Variants in LRP2 observed in about 807,000 individuals in gnomAD.
LRP2 encodes LDL receptor related protein 2.
LRP2 carries 172 observed loss-of-function variants against 531.0 expected under a neutral mutation model. The observed-to-expected ratio is 0.32, with a 90% confidence interval of 0.29 to 0.37. LRP2 has a LOEUF of 0.37. Among genes scored for constraint, LRP2 ranks in the 10% least tolerant of loss-of-function variants. LRP2 has a pLI of 1.00. For missense variants in LRP2, 5,167 were observed against 5,868.3 expected, an observed-to-expected ratio of 0.88 and a Z score of 3.90; for synonymous variants, 1,992 against 2,027.6, an observed-to-expected ratio of 0.98 and a Z score of 0.47.
At chr2:169,216,834 G>C (rs962739814) in intron 34 of LRP2, among the ~76,000 whole-genome samples, 8 of 152,056 alleles carry the variant, frequency 5.3e-5, no homozygotes, top group African/African-American at 1.4e-4. Flanking sequence ...CACTTACCAG[G>C]CCTCATTTAA....
intron 76 of LRP2, among the ~76,000 whole-genome samples, chr2:169,135,871 T>G (rs1007170626): frequency 6.6e-5 from 10 of 152,200 alleles, no homozygotes; most frequent in African/African-American, 2.4e-4. Context: ...TCTCAACTAC[T>G]CATAAATGCC....
chr2:169,207,032 A>C lies in LRP2; in HGVS notation c.6688T>G (p.Ser2230Ala). The C allele has an allele frequency of 6.2e-7, 1 of 1,614,218 alleles. No homozygotes were observed. Among genetic ancestry groups the C allele is most frequent in the Middle Eastern group, 1.7e-4 (1 of 6,060 alleles). The change falls in exon 39 of 79, where the codon TCA (serine) becomes GCA (alanine). Residue 2230 changes from serine (S) to alanine (A), a missense_variant. Coordinates refer to ENST00000649046, the MANE Select transcript of LRP2 (RefSeq NM_004525.3). Reference protein sequence around the residue: ...LDCTNRTVLVSEGIVTPRGLA... With the variant: ...LDCTNRTVLVAEGIVTPRGLA... Reference sequence around the variant, plus strand: ...CCCCGTGGTGTGACAATGCCCTCTGACACAAGCACTGTTCGATTGGTACAG... The same window carrying C: ...CCCCGTGGTGTGACAATGCCCTCTGCCACAAGCACTGTTCGATTGGTACAG...
chr2:169,240,632 G>C (rs1689769828), intron 25 of LRP2: 1 of 434,674 alleles, frequency 2.3e-6, no homozygotes, highest in Non-Finnish European at 4.1e-6. Context: ...TCATTTTTTT[G>C]TGATAAGTTC....
intron 29 of LRP2, among the ~76,000 whole-genome samples, chr2:169,234,226 C>T (rs1402013754): frequency 2.0e-5 from 3 of 152,072 alleles, no homozygotes; most frequent in Non-Finnish European, 4.4e-5. Context: ...GTTTGCTGCA[C>T]CCATCAACCC....
chr2:169,188,318 C>A, intron 48 of LRP2, 53 bp from the exon 49 acceptor site: 1 of 1,557,400 alleles, frequency 6.4e-7, no homozygotes, highest in South Asian at 1.1e-5. Context: ...TAAACCTCAA[C>A]TATTACCCAC....
At chr2:169,162,295 C>T (rs924135503) in intron 63 of LRP2, among the ~76,000 whole-genome samples, 177 bp downstream of exon 63, 1 of 152,204 alleles carries the variant, frequency 6.6e-6, no homozygotes, top group African/African-American at 2.4e-5. Flanking sequence ...GAATGTTTGA[C>T]ACAATGTCTG....
intron 71 of LRP2, among the ~76,000 whole-genome samples, chr2:169,140,946 GAC>G (rs1685697753): frequency 6.6e-6 from 1 of 152,098 alleles, no homozygotes; most frequent in South Asian, 2.1e-4. Flanking sequence ...TTCAACTAAA[GAC>G]ACCAAAGCAT....
chr2:169,281,291 G>A (rs1019346390), intron 10 of LRP2, among the ~76,000 whole-genome samples: 2 of 152,158 alleles, frequency 1.3e-5, no homozygotes, highest in East Asian at 1.9e-4. Flanking sequence ...GCATGGTGGC[G>A]GGGGCCTGTA....
At chr2:169,285,037 A>G (rs1683816080) in intron 9 of LRP2, among the ~76,000 whole-genome samples, 1 of 152,086 alleles carries the variant, frequency 6.6e-6, no homozygotes, top group African/African-American at 2.4e-5. Flanking sequence ...GGCCAGGCAC[A>G]GTGGCTCACG....
chr2:169,303,144 T>C (rs960946181), intron 4 of LRP2, among the ~76,000 whole-genome samples: 9 of 152,120 alleles, frequency 5.9e-5, no homozygotes, highest in Non-Finnish European at 1.0e-4. Flanking sequence ...GAGTGATGCA[T>C]ACAAAGGGGT....
In LRP2 at chr2:169,259,231, T is replaced by G. The variant is rs756032713; in HGVS notation, c.2321-14A>C. 3.1e-6 allele frequency: 5 copies of G among 1,597,550 alleles called. No homozygotes were observed. Among genetic ancestry groups the G allele is most frequent in the Non-Finnish European group, 3.4e-6 (4 of 1,166,340 alleles). On this transcript the variant is annotated splice_polypyrimidine_tract_variant and intron_variant, in intron 16 of 78. Transcript: ENST00000649046. ...GAATTTCTCTTCCTATAAGTTAAAA[T>G]ATGGACATATTTTAAGCTAAGTATA... is the stretch of plus-strand genomic sequence containing the variant.
At chr2:169,341,151 A>G (rs529079218) in intron 1 of LRP2, among the ~76,000 whole-genome samples, 1 of 152,252 alleles carries the variant, frequency 6.6e-6, no homozygotes, top group African/African-American at 2.4e-5. Context: ...AGATAGATGG[A>G]TCTGAGGGGA....
rs745796330 is a variant in LRP2 at position 169,202,825 on chromosome 2, A to T, written c.8140T>A (p.Ser2714Thr). Residue 2714 changes from serine to threonine, a missense_variant, in exon 43 of 79, where the codon TCG (serine) becomes ACG (threonine). By Grantham distance (58) the Ser-to-Thr change is moderately conservative. Transcript: ENST00000649046. ...TCATTATCACACTTCCACTCTTCCG[A>T]GATGCAGCGCCCATTGGAGCAGGTG... ...SFTCSNGRCISEEWKCDNDND... is the reference protein window; with the variant it reads ...SFTCSNGRCITEEWKCDNDND... 2.5e-6 allele frequency: 4 copies of T among 1,614,024 alleles called. No homozygotes were observed. In the African/African-American group the frequency reaches 4.0e-5, roughly 16 times the overall value.
chr2:169,143,945 A>G (rs1177829738), intron 70 of LRP2, among the ~76,000 whole-genome samples: 1 of 152,194 alleles, frequency 6.6e-6, no homozygotes, highest in Non-Finnish European at 1.5e-5. Flanking sequence ...AGCCTCCATC[A>G]ATATCTGTCT....
At chr2:169,226,367 G>T in intron 32 of LRP2, 55 bp downstream of exon 32, 1 of 1,404,922 alleles carries the variant, frequency 7.1e-7, no homozygotes, top group Non-Finnish European at 1.0e-6. Context: ...AAACATCAGT[G>T]CAGGCAGGCT....
rs748248146 is a variant in LRP2, at chr2:169,137,498, T to C, written c.13519-5A>G. ...TTCCATGACAAAGTCTTCACTCTGA[T>C]GGCAGAGACAGAAAGAGAGAGAGAG... On this transcript the variant is annotated splice_polypyrimidine_tract_variant and splice_region_variant and intron_variant, in intron 75 of 78. Coordinates refer to ENST00000649046, the MANE Select transcript of LRP2 (RefSeq NM_004525.3). The C allele has an allele frequency of 1.6e-5, 24 of 1,536,620 alleles. No individual in the cohort carries two copies. Among genetic ancestry groups the C allele is most frequent in the Non-Finnish European group, 2.2e-5 (24 of 1,110,316 alleles).
chr2:169,223,253 C>T (rs62172635), intron 33 of LRP2, among the ~76,000 whole-genome samples: 5,635 of 152,266 alleles, frequency 0.037, 147 homozygotes, highest in South Asian at 0.098. Context: ...GTTAAAGTGG[C>T]CTTACCAATC....
At chr2:169,181,889 C>T (rs146636917) in intron 51 of LRP2, among the ~76,000 whole-genome samples, 28 of 152,302 alleles carry the variant, frequency 1.8e-4, no homozygotes, top group African/African-American at 5.8e-4. Context: ...GTAAAGAAAT[C>T]GGTTTTCTGA....
intron 9 of LRP2, among the ~76,000 whole-genome samples, chr2:169,284,665 GA>G (rs1303031715): frequency 2.0e-5 from 3 of 151,656 alleles, no homozygotes; most frequent in South Asian, 2.1e-4. Flanking sequence ...CTAACCAGAG[GA>G]AAAAAAACCC....
Sources: allele counts gnomAD v4.1 joint callset (sites outside exome capture counted in the v4.1 genomes callset), GRCh38; gene constraint gnomAD v4.1.1; transcripts MANE v1.5; gene names NCBI Gene and HGNC (gene_info 2026-07-23, HGNC 2026-07-21).